The following MTUS1 variants were observed in gnomAD, a reference collection of about 807,000 sequenced individuals.
The protein encoded by MTUS1 is microtubule-associated tumor suppressor 1.
Under a neutral mutation model 120.8 loss-of-function variants are expected in MTUS1, and 109 were observed. The observed-to-expected ratio is 0.90, with a 90% CI of 0.77 to 1.06. The LOEUF (loss-of-function observed/expected upper bound fraction) is 1.06. Among genes scored for constraint, MTUS1 ranks in the 50% least tolerant of loss-of-function variants. MTUS1 has a pLI of 0.00. For missense variants in MTUS1, 2,210 were observed against 1,486.3 expected, an observed-to-expected ratio of 1.49 and a Z score of -8.01; for synonymous variants, 737 against 550.5, an observed-to-expected ratio of 1.34 and a Z score of -4.74.
At chr8:17,649,216 C>A (rs1806466020) in intron 13 of MTUS1, among the ~76,000 whole-genome samples, 1 of 152,046 alleles carries the variant, frequency 6.6e-6, no homozygotes, top group Non-Finnish European at 1.5e-5. Flanking sequence ...ACCACCACAC[C>A]CGGCTAAGTT....
At chr8:17,678,150 G>A (rs12114081) in intron 7 of MTUS1, among the ~76,000 whole-genome samples, 9,051 of 152,168 alleles carry the variant, frequency 0.059, 443 homozygotes, top group South Asian at 0.15. Flanking sequence ...GTTTCTGCCT[G>A]ACTCTCCCTG....
At chr8:17,786,702 G>A (rs760077925) in intron 1 of MTUS1, among the ~76,000 whole-genome samples, 1 of 152,266 alleles carries the variant, frequency 6.6e-6, no homozygotes, top group Non-Finnish European at 1.5e-5. Context: ...ACCTGCTTCC[G>A]TAGTTGAGAG....
At chr8:17,648,730 A>C (rs1003123994) in intron 13 of MTUS1, among the ~76,000 whole-genome samples, 1 of 152,244 alleles carries the variant, frequency 6.6e-6, no homozygotes, top group Admixed American at 6.5e-5. Flanking sequence ...ACCAAGCAGC[A>C]GAGAGGTCCC....
chr8:17,648,232 G>A lies in MTUS1; in HGVS notation c.3502-1153C>T, dbSNP rs17633234. ...AGTCTCTTAATTTCATCAGAGGCCT[G>A]TAATTTACAAATATGAAGGGAACAG... On this transcript the variant is annotated intron_variant, in intron 13 of 14. Coordinates refer to ENST00000693296, the MANE Select transcript of MTUS1 (RefSeq NM_001363059.2). Among the ~76,000 whole-genome samples, 1,531 of 152,272 alleles carry A rather than the reference G, an allele frequency of 0.01. 63 individuals are homozygous for A. In the East Asian group the frequency reaches 0.13, roughly 13 times the overall value.
At chr8:17,676,405 A>AGTCGG in intron 7 of MTUS1, 1 of 698,860 alleles carries the variant, frequency 1.4e-6, no homozygotes, top group Non-Finnish European at 2.6e-6. Flanking sequence ...GCCACCCACC[A>AGTCGG]GTCGGGTCTG....
At chr8:17,744,006 C>T (rs1327211694) in intron 2 of MTUS1, among the ~76,000 whole-genome samples, 2 of 152,166 alleles carry the variant, frequency 1.3e-5, no homozygotes, top group African/African-American at 4.8e-5. Flanking sequence ...AACATTAAAA[C>T]AGAAACCTTA....
At position 17,731,060 on chromosome 8, in the gene MTUS1, C is replaced by A. The variant is rs73580538; in HGVS notation, c.2288-7227G>T. Among the ~76,000 whole-genome samples the A allele has an allele frequency of 2.6e-5, 4 of 151,358 alleles. 1 individual carries two copies. The South Asian group carries it at 8.3e-4, about 31-fold the overall frequency. On this transcript the variant is annotated intron_variant, in intron 3 of 14. Transcript: ENST00000693296. Reference sequence around the variant, plus strand: ...AAGATATTATAAAATAATAAAAGTCCTACTGGAATAAAACCATACTGACAG... The same window carrying A: ...AAGATATTATAAAATAATAAAAGTCATACTGGAATAAAACCATACTGACAG...
At chr8:17,781,527 T>C (rs1223369213) in intron 1 of MTUS1, among the ~76,000 whole-genome samples, 1 of 152,244 alleles carries the variant, frequency 6.6e-6, no homozygotes, top group Admixed American at 6.5e-5. Context: ...CAAGAGTTTC[T>C]TACAAATTAG....
intron 7 of MTUS1, among the ~76,000 whole-genome samples, chr8:17,678,565 C>T (rs906419512): frequency 2.6e-5 from 4 of 152,122 alleles, no homozygotes; most frequent in South Asian, 2.1e-4. Context: ...CAGCATAGAG[C>T]ATCTTGCAGA....
chr8:17,745,523 G>A (rs972422293), intron 2 of MTUS1, among the ~76,000 whole-genome samples: 3 of 152,248 alleles, frequency 2.0e-5, no homozygotes, highest in South Asian at 2.1e-4. Context: ...GATACAGAGG[G>A]CTGACTGTAT....
intron 1 of MTUS1, among the ~76,000 whole-genome samples, chr8:17,789,161 T>A (rs755836492): frequency 2.0e-5 from 3 of 151,884 alleles, no homozygotes; most frequent in Non-Finnish European, 4.4e-5. Flanking sequence ...GCCTGACCAG[T>A]AGCTAGGATT....
rs370181807 is a variant in MTUS1, at chr8:17,755,642, C to T, written c.166G>A (p.Val56Ile). ...WNSANPDDMV[V>I]DYETDPAVVT... ...ACAGCAGGGTCAGTTTCATAATCAA[C>T]CACCATGTCATCTGGGTTGGCAGAA... The change falls in exon 2 of 15, where the codon GTT (valine) becomes ATT (isoleucine). Residue 56 changes from valine to isoleucine, a missense_variant. Physicochemically the swap from Val to Ile is conservative, Grantham distance 29. Transcript: ENST00000693296. The T allele has an allele frequency of 1.9e-5, 31 of 1,614,106 alleles. No individual in the cohort carries two copies. Among genetic ancestry groups the T allele is most frequent in the Non-Finnish European group, 2.4e-5 (28 of 1,180,040 alleles).
At chr8:17,701,033 G>A (rs1215487700) in intron 6 of MTUS1, among the ~76,000 whole-genome samples, 1 of 152,072 alleles carries the variant, frequency 6.6e-6, no homozygotes, top group African/African-American at 2.4e-5. Context: ...GCTACAAAAT[G>A]CCTTCAATTT....
chr8:17,683,978 T>C (rs527684576), intron 7 of MTUS1, among the ~76,000 whole-genome samples: 2 of 152,218 alleles, frequency 1.3e-5, no homozygotes, highest in South Asian at 4.2e-4. Context: ...AAACTAAGTG[T>C]GATATGAAAA....
chr8:17,763,026 C>G (rs1186407182), intron 1 of MTUS1, among the ~76,000 whole-genome samples: 4 of 150,242 alleles, frequency 2.7e-5, no homozygotes, highest in Non-Finnish European at 5.9e-5. Context: ...AAGTCTTGCT[C>G]TATCCCCCAG....
chr8:17,799,938 TG>T (rs1473464384), intron 1 of MTUS1, among the ~76,000 whole-genome samples: 36 of 149,626 alleles, frequency 2.4e-4, no homozygotes, highest in African/African-American at 7.7e-4. Flanking sequence ...ATATTGCCTA[TG>T]AAAAAAAAAA....
intron 1 of MTUS1, among the ~76,000 whole-genome samples, chr8:17,763,859 G>C (rs1200727816): frequency 6.6e-6 from 1 of 152,146 alleles, no homozygotes; most frequent in Non-Finnish European, 1.5e-5. Context: ...CTCTGGGCCT[G>C]GACCATAGAA....
intron 7 of MTUS1, among the ~76,000 whole-genome samples, chr8:17,678,372 GA>G (rs5889728): frequency 0.56 from 84,842 of 151,776 alleles, 24,819 homozygotes; most frequent in Middle Eastern, 0.7. Context: ...TGAAAAAAGA[GA>G]AAGGTGGAAA....
chr8:17,726,850 C>G (rs1019725704), intron 3 of MTUS1, among the ~76,000 whole-genome samples: 1 of 152,140 alleles, frequency 6.6e-6, no homozygotes, highest in Non-Finnish European at 1.5e-5. Flanking sequence ...CGTAACAGAT[C>G]AAAATGACTG....
Sources: allele counts gnomAD v4.1 joint callset (sites outside exome capture counted in the v4.1 genomes callset), GRCh38; gene constraint gnomAD v4.1.1; transcripts MANE v1.5; gene names NCBI Gene and HGNC (gene_info 2026-07-23, HGNC 2026-07-21).